Variants in NEDD4L observed in about 807,000 individuals in gnomAD.
NEDD4L encodes the protein NEDD4 like E3 ubiquitin protein ligase.
Under a neutral mutation model 148.9 loss-of-function variants are expected in NEDD4L, and 54 were observed. The ratio of observed to expected loss-of-function variants is 0.36; its 90% CI spans 0.29 to 0.45. NEDD4L has a LOEUF of 0.45. Ranked by LOEUF, NEDD4L falls within the 20% of genes least tolerant of loss-of-function variation. NEDD4L has a pLI of 1.00. For missense variants in NEDD4L, 856 were observed against 1,233.8 expected (o/e 0.69, Z 4.59); for synonymous variants, 433 against 440.7 (o/e 0.98, Z 0.22).
chr18:58,288,646 C>T (rs1419485375), intron 5 of NEDD4L, among the ~76,000 whole-genome samples: 1 of 152,032 alleles, frequency 6.6e-6, no homozygotes, highest in Non-Finnish European at 1.5e-5. Context: ...TTTCCAAAAC[C>T]ATGTGATGGA....
rs565237075 is a variant in NEDD4L at position 58,118,896 on chromosome 18, A to G, written c.49-46892A>G. On this transcript the variant is annotated intron_variant, in intron 1 of 30. Coordinates refer to ENST00000400345, the MANE Select transcript of NEDD4L (RefSeq NM_001144967.3). ...ATTCCAGATCCTCTTCAGCCCCCCA[A>G]GCGGAACTGGGTTTCTCTTGAAGGT... is the stretch of plus-strand genomic sequence containing the variant. Among the ~76,000 whole-genome samples, 5 of 152,162 alleles carry G rather than the reference A, an allele frequency of 3.3e-5. No homozygotes were observed. In the South Asian group the frequency reaches 8.3e-4, roughly 25 times the overall value.
At chr18:58,123,196 C>G (rs1260957002) in intron 1 of NEDD4L, among the ~76,000 whole-genome samples, 2 of 152,212 alleles carry the variant, frequency 1.3e-5, no homozygotes, top group Non-Finnish European at 2.9e-5. Context: ...CCCTGCTGGT[C>G]TCTTCACAGA....
intron 5 of NEDD4L, among the ~76,000 whole-genome samples, chr18:58,294,263 T>C (rs2055207877): frequency 6.6e-6 from 1 of 152,226 alleles, no homozygotes; most frequent in South Asian, 2.1e-4. Context: ...GAGAAGGTTT[T>C]CGCACTTGAT....
chr18:58,120,325 T>G (rs2086147237), intron 1 of NEDD4L, among the ~76,000 whole-genome samples: 1 of 152,208 alleles, frequency 6.6e-6, no homozygotes, highest in Non-Finnish European at 1.5e-5. Flanking sequence ...GAGTCCTGGT[T>G]CTGCTATTCA....
intron 5 of NEDD4L, among the ~76,000 whole-genome samples, chr18:58,272,521 GGGAGGTA>G (rs1161200500): frequency 1.3e-5 from 2 of 151,912 alleles, no homozygotes; most frequent in African/African-American, 2.4e-5. Context: ...CCAGCTATTC[GGGAGGTA>G]GGAGGTAGGA....
At chr18:58,201,179 A>C (rs1010951098) in intron 2 of NEDD4L, among the ~76,000 whole-genome samples, 2 of 152,116 alleles carry the variant, frequency 1.3e-5, no homozygotes, top group Non-Finnish European at 2.9e-5. Context: ...CTAAAAATAC[A>C]AAAATTAGCC....
intron 1 of NEDD4L, among the ~76,000 whole-genome samples, chr18:58,161,348 A>G (rs2036183684): frequency 6.6e-6 from 1 of 151,960 alleles, no homozygotes; most frequent in Non-Finnish European, 1.5e-5. Flanking sequence ...TTTTCTTATG[A>G]CAAAATCAAG....
At chr18:58,156,769 T>A (rs2035554421) in intron 1 of NEDD4L, among the ~76,000 whole-genome samples, 1 of 152,138 alleles carries the variant, frequency 6.6e-6, no homozygotes, top group Non-Finnish European at 1.5e-5. Flanking sequence ...GCATGCTCGC[T>A]CCTTGGGTGA....
chr18:58,255,819 A>G, intron 5 of NEDD4L: 1 of 1,232,596 alleles, frequency 8.1e-7, no homozygotes, highest in Non-Finnish European at 1.0e-6. Flanking sequence ...GGAGGCCTGC[A>G]GGGAGGCGTG....
chr18:58,243,562 C>T (rs2046896280), intron 2 of NEDD4L, among the ~76,000 whole-genome samples: 1 of 152,108 alleles, frequency 6.6e-6, no homozygotes. Flanking sequence ...TCACCCCCTC[C>T]CCCAGGTGAA....
chr18:58,381,666 T>C (rs146403504), intron 24 of NEDD4L, among the ~76,000 whole-genome samples: 67 of 152,290 alleles, frequency 4.4e-4, no homozygotes, highest in Non-Finnish European at 7.8e-4. Flanking sequence ...AGAAAACTCT[T>C]ACCGAAGGAA....
intron 6 of NEDD4L, among the ~76,000 whole-genome samples, chr18:58,318,491 TTAC>T (rs2058489888): frequency 2.0e-5 from 3 of 152,292 alleles, no homozygotes; most frequent in Admixed American, 2.0e-4. Flanking sequence ...TGGGAGGTCA[TTAC>T]TACGCTGAGC....
intron 5 of NEDD4L, among the ~76,000 whole-genome samples, chr18:58,310,097 A>C (rs916324065): frequency 4.6e-5 from 7 of 152,146 alleles, no homozygotes; most frequent in African/African-American, 1.4e-4. Context: ...TTTAAACTTC[A>C]GTAATAAGTG....
At chr18:58,242,832 A>G (rs542754907) in intron 2 of NEDD4L, among the ~76,000 whole-genome samples, 1 of 152,060 alleles carries the variant, frequency 6.6e-6, no homozygotes, top group African/African-American at 2.4e-5. Context: ...CTTACATCCT[A>G]CTGTCCTGTA....
chr18:58,337,534 C>T (rs192271292), intron 13 of NEDD4L, among the ~76,000 whole-genome samples: 9 of 152,214 alleles, frequency 5.9e-5, no homozygotes, highest in African/African-American at 1.9e-4. Flanking sequence ...CACAGACATA[C>T]GGCTGTGTAC....
intron 1 of NEDD4L, among the ~76,000 whole-genome samples, chr18:58,112,055 T>A (rs2085454866): frequency 6.6e-6 from 1 of 152,180 alleles, no homozygotes; most frequent in African/African-American, 2.4e-5. Context: ...GCACATACCG[T>A]CCCCAACTTG....
chr18:58,135,640 T>G (rs2032755955), intron 1 of NEDD4L, among the ~76,000 whole-genome samples: 1 of 152,256 alleles, frequency 6.6e-6, no homozygotes, highest in South Asian at 2.1e-4. Flanking sequence ...CACAGCCGAC[T>G]TCTTTCTAGT....
intron 6 of NEDD4L, among the ~76,000 whole-genome samples, chr18:58,318,037 G>A (rs956470515): frequency 6.6e-6 from 1 of 152,314 alleles, no homozygotes; most frequent in Non-Finnish European, 1.5e-5. Flanking sequence ...AGGTGCTTTC[G>A]TGTGTATGTT....
intron 2 of NEDD4L, among the ~76,000 whole-genome samples, chr18:58,194,507 C>T (rs1281129401): frequency 2.0e-5 from 3 of 152,192 alleles, no homozygotes; most frequent in South Asian, 4.1e-4. Flanking sequence ...ACTCTTGGCT[C>T]TTAAAAGGGG....
Sources: allele counts gnomAD v4.1 joint callset (sites outside exome capture counted in the v4.1 genomes callset), GRCh38; gene constraint gnomAD v4.1.1; transcripts MANE v1.5; gene names NCBI Gene and HGNC (gene_info 2026-07-23, HGNC 2026-07-21).